The following EPC1 variants were observed in gnomAD, a reference collection of about 807,000 sequenced individuals.
EPC1 encodes enhancer of polycomb homolog 1.
A neutral mutation model predicts 98.4 loss-of-function variants in EPC1; 12 were observed. That is an observed-to-expected ratio of 0.12 (90% CI 0.08 to 0.20). The LOEUF (loss-of-function observed/expected upper bound fraction) is 0.20. Ranked by LOEUF, EPC1 falls within the 10% of genes least tolerant of loss-of-function variation. The probability of loss-of-function intolerance (pLI) is 1.00; values close to 1 mark genes in which losing one functional copy is unlikely to be tolerated. For missense variants in EPC1, 729 were observed against 990.5 expected, an observed-to-expected ratio of 0.74 and a Z score of 3.54; for synonymous variants, 357 against 363.9, an observed-to-expected ratio of 0.98 and a Z score of 0.21.
At chr10:32,299,976 C>T (rs1297979109) in intron 2 of EPC1, among the ~76,000 whole-genome samples, 2 of 151,908 alleles carry the variant, frequency 1.3e-5, no homozygotes, top group Admixed American at 6.6e-5. Flanking sequence ...TGCAGTGGTG[C>T]GATCTCAGCT....
chr10:32,271,208 C>G (rs1439666157), intron 13 of EPC1, among the ~76,000 whole-genome samples: 1 of 152,078 alleles, frequency 6.6e-6, no homozygotes, highest in Non-Finnish European at 1.5e-5. Flanking sequence ...ATCGGCTGTT[C>G]TCGAACTCCT....
At chr10:32,335,440 T>C (rs888405472) in intron 1 of EPC1, among the ~76,000 whole-genome samples, 12 of 152,058 alleles carry the variant, frequency 7.9e-5, no homozygotes, top group African/African-American at 2.2e-4. Context: ...AACTGAAGCC[T>C]GGCAGTGTAT....
intron 1 of EPC1, among the ~76,000 whole-genome samples, chr10:32,332,292 GAAGT>G (rs1837684109): frequency 6.6e-6 from 1 of 152,174 alleles, no homozygotes; most frequent in Admixed American, 6.5e-5. Flanking sequence ...AGTAAAGGCA[GAAGT>G]AAGAGACAGC....
intron 1 of EPC1, among the ~76,000 whole-genome samples, chr10:32,310,840 C>T (rs1247566296): frequency 6.6e-6 from 1 of 152,050 alleles, no homozygotes; most frequent in Non-Finnish European, 1.5e-5. Flanking sequence ...CGCCACTGCA[C>T]TCCAACCTGG....
At chr10:32,293,930 C>T (rs1024923499) in intron 2 of EPC1, among the ~76,000 whole-genome samples, 193 bp from the exon 3 acceptor site, 75 of 152,174 alleles carry the variant, frequency 4.9e-4, no homozygotes, top group African/African-American at 1.7e-3. Flanking sequence ...AGGAGATTAT[C>T]TTTACTATGA....
At chr10:32,375,713 T>A (rs919941951) in intron 1 of EPC1, among the ~76,000 whole-genome samples, 2 of 152,074 alleles carry the variant, frequency 1.3e-5, no homozygotes, top group African/African-American at 4.8e-5. Context: ...TAAATTTTGC[T>A]ACTTGCTATT....
intron 1 of EPC1, among the ~76,000 whole-genome samples, chr10:32,357,246 A>G (rs942702276): frequency 3.9e-5 from 6 of 152,234 alleles, no homozygotes; most frequent in Non-Finnish European, 8.8e-5. Flanking sequence ...CTCTACATGA[A>G]TTACTGACAC....
intron 10 of EPC1, chr10:32,284,384 G>A (rs529845768): frequency 3.7e-5 from 8 of 216,448 alleles, no homozygotes; most frequent in African/African-American, 1.6e-4. Flanking sequence ...AACAATTTAC[G>A]GCCCATTTTC....
chr10:32,281,022 T>C (rs1836384868), intron 10 of EPC1, among the ~76,000 whole-genome samples: 1 of 152,118 alleles, frequency 6.6e-6, no homozygotes, highest in African/African-American at 2.4e-5. Context: ...ATACTTTGTT[T>C]CATGCATAAT....
At chr10:32,269,201 T>C in intron 13 of EPC1, 66 bp from the exon 14 acceptor site, 1 of 1,390,910 alleles carries the variant, frequency 7.2e-7, no homozygotes, top group Non-Finnish European at 1.0e-6. Context: ...GAACATTATC[T>C]TCCCAACAAA....
At chr10:32,335,868 C>T (rs73247737) in intron 1 of EPC1, among the ~76,000 whole-genome samples, 7,637 of 152,108 alleles carry the variant, frequency 0.05, 605 homozygotes, top group African/African-American at 0.17. Flanking sequence ...TAAACTCAAG[C>T]GTGTCCCTCT....
chr10:32,377,707 C>CT (rs1241568577), intron 1 of EPC1, among the ~76,000 whole-genome samples: 1 of 151,436 alleles, frequency 6.6e-6, no homozygotes, highest in Non-Finnish European at 1.5e-5. Context: ...TTTTTTCTTC[C>CT]TTTTTTCTTT....
At chr10:32,276,384 T>C (rs1836097305) in intron 10 of EPC1, among the ~76,000 whole-genome samples, 6 of 151,974 alleles carry the variant, frequency 3.9e-5, no homozygotes. Flanking sequence ...TGGTGGCACA[T>C]GCCTGTAATC....
upstream of EPC1, chr10:32,347,563 G>GGGGTTCGGA (rs1413660559): frequency 1.3e-5 from 2 of 152,036 alleles, no homozygotes; most frequent in African/African-American, 4.8e-5. Flanking sequence ...CCGGGCACCT[G>GGGGTTCGGA]GGGCTCGGAG....
intron 1 of EPC1, among the ~76,000 whole-genome samples, chr10:32,344,011 A>G (rs895614754): frequency 6.6e-6 from 1 of 152,204 alleles, no homozygotes; most frequent in Admixed American, 6.5e-5. Context: ...TAAGACAGTC[A>G]GTTCAGGTTC....
rs1400663026 is a variant in EPC1 at position 32,268,124 on chromosome 10, C to T, written c.*939G>A. 1 of 151,960 alleles carries T rather than the reference C, an allele frequency of 6.6e-6. No individual in the cohort carries two copies. The allele number at this position is 151,960 out of a possible 1,614,324, so 9.4% of individuals were successfully genotyped here. A position where few individuals can be genotyped will look rare whatever the true frequency, so the allele number is the denominator to read the frequency against. On this transcript the variant is annotated 3_prime_UTR_variant, in exon 14 of 14. Coordinates refer to ENST00000319778, the MANE Select transcript of EPC1 (RefSeq NM_001272004.3). ...AAAGAATGAAGTCTTTTAAACAATT[C>T]GACAATAAAAAAGTACAATTTTTTT...
chr10:32,291,067 G>A (rs1592555446), intron 6 of EPC1, 96 bp downstream of exon 6: 2 of 1,180,734 alleles, frequency 1.7e-6, no homozygotes, highest in South Asian at 1.4e-5. Context: ...GTGAGCCACT[G>A]TGCCCGGCCT....
chr10:32,281,604 T>G (rs1020623817), intron 10 of EPC1: 2 of 152,150 alleles, frequency 1.3e-5, no homozygotes, highest in African/African-American at 2.4e-5. Flanking sequence ...CCAGGCTCAC[T>G]CTGGAGAATA....
intron 1 of EPC1, among the ~76,000 whole-genome samples, chr10:32,371,493 TA>T (rs1839747359): frequency 6.6e-6 from 1 of 152,136 alleles, no homozygotes. Flanking sequence ...TTACCTACTT[TA>T]AAAAAATCAC....
Sources: gnomAD v4.1 joint callset for allele counts (sites outside exome capture counted in the v4.1 genomes callset) on GRCh38, gnomAD v4.1.1 for gene constraint, MANE v1.5 for transcripts, NCBI Gene and HGNC (gene_info 2026-07-23, HGNC 2026-07-21) for gene names.